KANSL3: variants seen among roughly 807,000 people sequenced by gnomAD.
KANSL3 encodes NSL complex protein NSL3.
In KANSL3, 16 loss-of-function variants were observed where a neutral mutation model predicts 89.2. The ratio of observed to expected loss-of-function variants is 0.18; its 90% confidence interval spans 0.12 to 0.27. The LOEUF (loss-of-function observed/expected upper bound fraction) is 0.27, where lower values mean the gene tolerates loss of function less well. Ranked by LOEUF, KANSL3 falls within the 10% of genes least tolerant of loss-of-function variation. KANSL3 has a pLI of 1.00. For synonymous variants in KANSL3, 385 were observed against 419.7 expected (o/e 0.92, Z 1.01); for missense variants, 879 against 1,110.6 (o/e 0.79, Z 2.96).
chr2:96,593,434 T>G lies in KANSL3; in HGVS notation c.*2177A>C. 1 of 398,576 alleles carries G rather than the reference T, an allele frequency of 2.5e-6. No homozygotes were observed. 24.7% of individuals were successfully genotyped at this position (398,576 alleles called of 1,614,324 possible). ...CTTCTGAGGTTATGGATTCCAGGTC[T>G]TCTATGAAATAGGTAAAGCTTCCTT... On this transcript the variant is annotated 3_prime_UTR_variant, in exon 21 of 21. Transcript: ENST00000431828.
chr2:96,581,319 G>A, the KANSL3 span, among the ~76,000 whole-genome samples: 1 of 152,040 alleles, frequency 6.6e-6, no homozygotes, highest in Non-Finnish European at 1.5e-5. Context: ...TGCTACTCAG[G>A]AGGCTGAGGC....
intron 11 of KANSL3, among the ~76,000 whole-genome samples, chr2:96,609,970 A>AAGC (rs2068632777): frequency 6.7e-6 from 1 of 149,792 alleles, no homozygotes; most frequent in Non-Finnish European, 1.5e-5. Flanking sequence ...AAAAAAAAAA[A>AAGC]AAAAAAAAAA....
At chr2:96,605,696 C>T (rs566054609) in intron 14 of KANSL3, 185 bp from the exon 15 acceptor site, 12 of 458,054 alleles carry the variant, frequency 2.6e-5, no homozygotes, top group Non-Finnish European at 4.7e-5. Context: ...AGGCCCTGTC[C>T]GTGGGGGACC....
downstream of KANSL3, among the ~76,000 whole-genome samples, chr2:96,589,751 C>T (rs956070671): frequency 1.3e-5 from 2 of 152,050 alleles, no homozygotes; most frequent in African/African-American, 4.8e-5. Context: ...TTTAAGCACC[C>T]ACAGAATACA....
chr2:96,600,306 G>A (rs1238863675), intron 20 of KANSL3: 3 of 444,968 alleles, frequency 6.7e-6, no homozygotes, highest in Non-Finnish European at 8.9e-6. Context: ...ATCATCTCTA[G>A]GAGTAGCATC....
At position 96,604,359 on chromosome 2, in the gene KANSL3, T is replaced by C. The variant is rs947141833; in HGVS notation, c.2040A>G (p.Gly680=). 3.0e-5 allele frequency: 49 copies of C among 1,612,134 alleles called. No homozygotes were observed. Among genetic ancestry groups the C allele is most frequent in the Non-Finnish European group, 3.8e-5 (45 of 1,179,852 alleles). Residue 680 remains glycine (G), a synonymous_variant, in exon 17 of 21, where the codon GGA becomes GGG. Coordinates refer to ENST00000431828, the MANE Select transcript of KANSL3 (RefSeq NM_001115016.3). ...CTGAAGGGACTGGGCTGGCTGAGAC[T>C]CCACCTTCAGAAGAACTGGACCTGG... The part of the protein sequence containing the change: ...TTAKSSSSEG[G]VSASPVPSVV...
intron 3 of KANSL3, among the ~76,000 whole-genome samples, chr2:96,626,938 C>A (rs551424409): frequency 6.6e-6 from 1 of 152,280 alleles, no homozygotes; most frequent in African/African-American, 2.4e-5. Flanking sequence ...ATGGATAATA[C>A]CTAATGAATA....
chr2:96,633,335 C>T (rs1021982548), intron 2 of KANSL3, among the ~76,000 whole-genome samples: 3 of 152,004 alleles, frequency 2.0e-5, no homozygotes, highest in African/African-American at 7.3e-5. Flanking sequence ...TTTGGGAGGC[C>T]AAGGCGGGTG....
chr2:96,630,019 C>CA (rs1198467533), intron 3 of KANSL3, among the ~76,000 whole-genome samples: 2 of 152,016 alleles, frequency 1.3e-5, no homozygotes, highest in Non-Finnish European at 2.9e-5. Flanking sequence ...AGAAGAAAAT[C>CA]AGTAAGTGTT....
At chr2:96,586,705 C>T in the KANSL3 span, among the ~76,000 whole-genome samples, 1 of 152,216 alleles carries the variant, frequency 6.6e-6, no homozygotes, top group Non-Finnish European at 1.5e-5. Context: ...TCGCACACTA[C>T]AGGCTTCAAC....
intron 9 of KANSL3, 71 bp from the exon 10 acceptor site, chr2:96,611,209 G>C: frequency 3.1e-6 from 4 of 1,295,222 alleles, no homozygotes; most frequent in Non-Finnish European, 4.5e-6. Context: ...CAGAATCCAG[G>C]AGTGGTCCAG....
intron 1 of KANSL3, 40 bp from the exon 2 acceptor site, chr2:96,637,225 CTAAATTTCT>C: frequency 2.6e-6 from 2 of 771,176 alleles, no homozygotes; most frequent in South Asian, 1.7e-5. Context: ...TTCCAATATC[CTAAATTTCT>C]CCCAATCTAC....
In KANSL3 at chr2:96,604,637, G is replaced by A. The variant is rs1442934030; in HGVS notation, c.2018+142C>T. The A allele has an allele frequency of 3.6e-6, 3 of 840,540 alleles. No homozygotes were observed. The African/African-American group carries it at 5.2e-5, about 14-fold the overall frequency. 52.1% of individuals were successfully genotyped at this position (840,540 alleles called of 1,614,324 possible). A position where few individuals can be genotyped will look rare whatever the true frequency, so the allele number is the denominator to read the frequency against. ...GAACTCTGGGTTGACTCAAAAGCAA[G>A]ACAAAGATCCCAATCAGAAGTAAGT... On this transcript the variant is annotated intron_variant, in intron 16 of 20. Transcript: ENST00000431828.
At chr2:96,613,325 C>A (rs535798827) in intron 6 of KANSL3, among the ~76,000 whole-genome samples, 163 bp downstream of exon 6, 1 of 152,052 alleles carries the variant, frequency 6.6e-6, no homozygotes, top group Non-Finnish European at 1.5e-5. Flanking sequence ...AAGCTGAGAT[C>A]GTGCCACTGC....
chr2:96,598,479 G>A (rs1022315629), intron 20 of KANSL3, among the ~76,000 whole-genome samples: 10 of 151,928 alleles, frequency 6.6e-5, no homozygotes, highest in Non-Finnish European at 1.2e-4. Flanking sequence ...TTTTCATTTC[G>A]TTCTTTTGAT....
intron 11 of KANSL3, among the ~76,000 whole-genome samples, chr2:96,609,768 G>A (rs1378388891): frequency 6.6e-6 from 1 of 151,754 alleles, no homozygotes; most frequent in Non-Finnish European, 1.5e-5. Context: ...TGGAGTTGTG[G>A]GGATTAAACA....
intron 20 of KANSL3, chr2:96,597,931 C>G: frequency 5.4e-6 from 1 of 185,490 alleles, no homozygotes; most frequent in Non-Finnish European, 1.0e-5. Context: ...GAAAACTAAT[C>G]TCATGTTAAC....
chr2:96,609,672 G>C, intron 11 of KANSL3, 110 bp from the exon 12 acceptor site: 1 of 1,051,346 alleles, frequency 9.5e-7, no homozygotes, highest in Non-Finnish European at 1.5e-6. Flanking sequence ...CCCAGAAGGA[G>C]GGCCATGTTA....
Position 96,637,092 on chromosome 2 carries a change from C to T in KANSL3, c.44G>A (p.Arg15Gln). 6.4e-7 allele frequency: 1 copy of T among 1,551,634 alleles called. No homozygotes were observed. Among genetic ancestry groups the T allele is most frequent in the Non-Finnish European group, 8.7e-7 (1 of 1,146,972 alleles). The change falls in exon 2 of 21, where the codon CGA (arginine) becomes CAA (glutamine). Residue 15 changes from arginine (R) to glutamine (Q), a missense_variant. By Grantham distance (43) the Arg-to-Gln change is conservative. Transcript: ENST00000431828. ...GGERDFQTSARRMGTSLLFQL... is the reference protein window; with the variant it reads ...GGERDFQTSAQRMGTSLLFQL... The stretch of plus-strand genomic sequence containing the variant: ...GAAGAGCAGCGAGGTGCCCATGCGT[C>T]GAGCTGAAGTCTGGAAGTCCCTCTC...
Sources: gnomAD v4.1 joint callset for allele counts (sites outside exome capture counted in the v4.1 genomes callset) on GRCh38, gnomAD v4.1.1 for gene constraint, MANE v1.5 for transcripts, NCBI Gene and HGNC (gene_info 2026-07-23, HGNC 2026-07-21) for gene names.